Variants in RGSL1 observed in about 807,000 individuals in gnomAD.
RGSL1 encodes regulator of G protein signaling protein-like.
RGSL1 carries 97 observed loss-of-function variants against 124.7 expected under a neutral mutation model. That is an observed-to-expected ratio of 0.78 (90% CI 0.66 to 0.92). The LOEUF (loss-of-function observed/expected upper bound fraction) is 0.92, where lower values mean the gene tolerates loss of function less well. Ranked by LOEUF, RGSL1 falls within the 40% of genes least tolerant of loss-of-function variation. The pLI, the probability that RGSL1 is intolerant of heterozygous loss-of-function variation, is 0.00. For missense variants in RGSL1, 1,233 were observed against 1,288.4 expected (o/e 0.96, Z 0.66); for synonymous variants, 424 against 438.1 (o/e 0.97, Z 0.40).
intron 4 of RGSL1, among the ~76,000 whole-genome samples, chr1:182,464,159 G>A (rs985488394): frequency 6.6e-6 from 1 of 152,104 alleles, no homozygotes; most frequent in Non-Finnish European, 1.5e-5. Flanking sequence ...AAATGGAAAT[G>A]AAAACAACAA....
At chr1:182,449,615 C>G (rs1238531588), upstream of RGSL1, among the ~76,000 whole-genome samples, 2 of 152,098 alleles carry the variant, frequency 1.3e-5, no homozygotes, top group Non-Finnish European at 2.9e-5. Flanking sequence ...GAGTTCAAAC[C>G]TCTTGGAAGC....
chr1:182,460,827 G>A (rs999283065), intron 4 of RGSL1: 47 of 423,292 alleles, frequency 1.1e-4, no homozygotes, highest in Non-Finnish European at 1.5e-4. Context: ...ACAGTAAATT[G>A]TAGTTGATCT....
intron 4 of RGSL1, among the ~76,000 whole-genome samples, chr1:182,466,147 G>A (rs986851594): frequency 1.3e-5 from 2 of 151,718 alleles, no homozygotes; most frequent in Admixed American, 1.3e-4. Flanking sequence ...CAACGAACTA[G>A]GATTAAGAAG....
chr1:182,518,834 C>T (rs1658101985), intron 9 of RGSL1, among the ~76,000 whole-genome samples: 1 of 150,898 alleles, frequency 6.6e-6, no homozygotes, highest in Admixed American at 6.6e-5. Flanking sequence ...CAGGATATTT[C>T]TGGCAAAAAT....
chr1:182,457,148 AAAAC>A (rs71297860), intron 2 of RGSL1, among the ~76,000 whole-genome samples: 5 of 151,568 alleles, frequency 3.3e-5, no homozygotes, highest in East Asian at 2.0e-4. Flanking sequence ...CTCCATCTCA[AAAAC>A]AAACAAACAA....
chr1:182,527,580 A>C lies in RGSL1; in HGVS notation c.1933A>C (p.Asn645His), dbSNP rs1156427314. 6.5e-7 allele frequency: 1 copy of C among 1,538,722 alleles called. No homozygotes were observed. Among genetic ancestry groups the C allele is most frequent in the African/African-American group, 1.4e-5 (1 of 72,000 alleles). ...LVRKPSMRPR[N>H]LTEVLLNTQH... ...CAAAGATGCTTTCTTGTTTTCCAGA[A>C]ACTTGACAGAAGTCCTCTTAAATAC... Residue 645 changes from asparagine (N) to histidine (H), a missense_variant and splice_region_variant, in exon 11 of 22, where the codon AAC (asparagine) becomes CAC (histidine). Coordinates refer to ENST00000294854, the MANE Select transcript of RGSL1 (RefSeq NM_001137669.2).
chr1:182,522,013 T>A lies in RGSL1; in HGVS notation c.1835T>A (p.Met612Lys). The change falls in exon 10 of 22, where the codon ATG (methionine) becomes AAG (lysine). Residue 612 changes from methionine to lysine, a missense_variant. Transcript: ENST00000294854. ...CEKAPKIDFK[M>K]EIIKETKTVS... is the part of the protein sequence containing the mutation. ...GTGATTTTTTTTTTAGATTTTAAAA[T>A]GGAAATTATCAAGGAAACAAAGACA... 3 of 1,535,364 alleles carry A rather than the reference T, an allele frequency of 2.0e-6. No homozygotes were observed. Among genetic ancestry groups the A allele is most frequent in the Middle Eastern group, 3.4e-4 (2 of 5,920 alleles).
At chr1:182,479,009 G>A (rs1371561640) in intron 6 of RGSL1, among the ~76,000 whole-genome samples, 1 of 152,154 alleles carries the variant, frequency 6.6e-6, no homozygotes, top group African/African-American at 2.4e-5. Flanking sequence ...TCCTTTGAGA[G>A]TGAAGAAGTG....
At chr1:182,512,164 A>T (rs1176012843) in intron 9 of RGSL1, among the ~76,000 whole-genome samples, 1 of 152,058 alleles carries the variant, frequency 6.6e-6, no homozygotes, top group Non-Finnish European at 1.5e-5. Context: ...ATATCTATTA[A>T]TGTTTGTTTT....
intron 6 of RGSL1, among the ~76,000 whole-genome samples, chr1:182,475,761 C>T (rs1043371802): frequency 6.6e-6 from 1 of 151,968 alleles, no homozygotes; most frequent in Non-Finnish European, 1.5e-5. Context: ...ATTGATGTGG[C>T]GCATACAGGT....
chr1:182,509,417 A>T (rs78570047), intron 9 of RGSL1, among the ~76,000 whole-genome samples: 8 of 22,846 alleles, frequency 3.5e-4, no homozygotes, highest in Admixed American at 6.2e-4. Context: ...CACCTCCCAG[A>T]CGGGGCGGCT....
At chr1:182,500,066 T>C (rs1656235429) in intron 9 of RGSL1, among the ~76,000 whole-genome samples, 1 of 152,230 alleles carries the variant, frequency 6.6e-6, no homozygotes, top group African/African-American at 2.4e-5. Flanking sequence ...GCTTTTAGTG[T>C]CATATTTAAA....
At chr1:182,535,061 T>C (rs117552770) in intron 14 of RGSL1, among the ~76,000 whole-genome samples, 1 of 152,274 alleles carries the variant, frequency 6.6e-6, no homozygotes, top group East Asian at 1.9e-4. Flanking sequence ...GCCACTGGTC[T>C]AAGTTCTTTT....
At chr1:182,520,340 C>A (rs948533943) in intron 9 of RGSL1, among the ~76,000 whole-genome samples, 2 of 152,156 alleles carry the variant, frequency 1.3e-5, no homozygotes, top group African/African-American at 2.4e-5. Flanking sequence ...TCTCCTTTTG[C>A]CCCCTTCTGT....
chr1:182,450,311 GT>G, intron 1 of RGSL1, 133 bp downstream of exon 1: 1 of 970,144 alleles, frequency 1.0e-6, no homozygotes. Flanking sequence ...TCATGCCTTT[GT>G]TTTCCTTCTC....
intron 20 of RGSL1, 178 bp from the exon 21 acceptor site, chr1:182,555,846 A>G (rs529420447): frequency 1.3e-5 from 8 of 617,352 alleles, no homozygotes; most frequent in Non-Finnish European, 2.0e-5. Flanking sequence ...TTCAGAGTTT[A>G]TAAGGCCTTG....
intron 15 of RGSL1, among the ~76,000 whole-genome samples, chr1:182,547,052 A>G (rs1660255280): frequency 6.6e-6 from 1 of 152,170 alleles, no homozygotes; most frequent in African/African-American, 2.4e-5. Context: ...TCTTCTACTC[A>G]CCCCAGTGAT....
chr1:182,548,706 G>A lies in RGSL1; in HGVS notation c.2815G>A (p.Val939Ile). The change falls in exon 17 of 22, where the codon GTC becomes ATC. Residue 939 changes from valine to isoleucine, a missense_variant. By Grantham distance (29) the Val-to-Ile change is conservative. Transcript: ENST00000294854. Reference sequence around the variant, plus strand: ...GCTCCCACTCTGTGGGTAGGTGAATGTCCCTGAGTTCCAGAAGGATGCCAT... The same window carrying A: ...GCTCCCACTCTGTGGGTAGGTGAATATCCCTGAGTTCCAGAAGGATGCCAT... ...SDIPPKLRVNVPEFQKDAILA... is the reference protein window; with the variant it reads ...SDIPPKLRVNIPEFQKDAILA... The A allele has an allele frequency of 2.6e-6, 4 of 1,551,560 alleles. No homozygotes were observed. Among genetic ancestry groups the A allele is most frequent in the African/African-American group, 1.4e-5 (1 of 73,116 alleles).
intron 9 of RGSL1, among the ~76,000 whole-genome samples, chr1:182,509,425 G>C (rs1200102276): frequency 1.2e-4 from 3 of 24,388 alleles, no homozygotes; most frequent in African/African-American, 5.1e-4. Flanking sequence ...AGACGGGGCG[G>C]CTGGCCGGGC....
Sources: gnomAD v4.1 joint callset for allele counts (sites outside exome capture counted in the v4.1 genomes callset) on GRCh38, gnomAD v4.1.1 for gene constraint, MANE v1.5 for transcripts, NCBI Gene and HGNC (gene_info 2026-07-23, HGNC 2026-07-21) for gene names.